Variants in LINGO2 observed in about 807,000 individuals in gnomAD.
The protein encoded by LINGO2 is leucine rich repeat and Ig domain containing 2.
A neutral mutation model predicts 30.6 loss-of-function variants in LINGO2; 14 were observed. That is an observed-to-expected ratio of 0.46 (90% CI 0.30 to 0.72). LINGO2 has a LOEUF of 0.72. Ranked by LOEUF, LINGO2 falls within the 30% of genes least tolerant of loss-of-function variation. LINGO2 has a pLI of 0.07. For missense variants in LINGO2, 729 were observed against 751.7 expected, an observed-to-expected ratio of 0.97 and a Z score of 0.35; for synonymous variants, 317 against 288.5, an observed-to-expected ratio of 1.10 and a Z score of -1.00.
At chr9:29,158,404 A>T in the LINGO2 span, among the ~76,000 whole-genome samples, 4 of 152,050 alleles carry the variant, frequency 2.6e-5, no homozygotes, top group African/African-American at 9.7e-5. Context: ...TCCTTCTATA[A>T]CTTTAGTGAT....
At chr9:29,081,823 T>C in the LINGO2 span, among the ~76,000 whole-genome samples, 7 of 151,834 alleles carry the variant, frequency 4.6e-5, no homozygotes, top group Non-Finnish European at 1.5e-5. Context: ...GAACTCCCAT[T>C]CACAATTGCT....
chr9:29,009,575 G>A, the LINGO2 span, among the ~76,000 whole-genome samples: 2 of 152,138 alleles, frequency 1.3e-5, no homozygotes, highest in African/African-American at 4.8e-5. Context: ...TGGGTAGGAA[G>A]AATCAATATC....
chr9:28,746,972 C>G, the LINGO2 span, among the ~76,000 whole-genome samples: 1 of 152,092 alleles, frequency 6.6e-6, no homozygotes, highest in Non-Finnish European at 1.5e-5. Flanking sequence ...GTGATACGGA[C>G]AGGAGACAGA....
At chr9:28,091,167 C>T (rs1826072477) in intron 4 of LINGO2, among the ~76,000 whole-genome samples, 1 of 152,090 alleles carries the variant, frequency 6.6e-6, no homozygotes, top group Non-Finnish European at 1.5e-5. Flanking sequence ...TCAATGCCAT[C>T]CCCATCAAGC....
At chr9:28,117,755 T>C (rs7041858) in intron 4 of LINGO2, among the ~76,000 whole-genome samples, 145,998 of 147,484 alleles carry the variant, frequency 0.99, 72,286 homozygotes, top group Middle Eastern at 1. Flanking sequence ...GGCAATGCCT[T>C]GCCCTGCTTC....
chr9:28,969,936 G>A, the LINGO2 span, among the ~76,000 whole-genome samples: 2 of 152,134 alleles, frequency 1.3e-5, no homozygotes, highest in African/African-American at 2.4e-5. Flanking sequence ...ATTTAAGTAG[G>A]CAGTTACATC....
At chr9:28,101,075 T>G (rs1826402161) in intron 4 of LINGO2, among the ~76,000 whole-genome samples, 1 of 152,094 alleles carries the variant, frequency 6.6e-6, no homozygotes, top group South Asian at 2.1e-4. Flanking sequence ...AATATGATGT[T>G]GAAATGATTT....
chr9:28,594,348 A>T (rs373089850), intron 1 of LINGO2, among the ~76,000 whole-genome samples: 2 of 152,054 alleles, frequency 1.3e-5, no homozygotes, highest in East Asian at 1.9e-4. Flanking sequence ...ATCATGGTTC[A>T]TGGTTCATTG....
chr9:28,091,105 G>A (rs1373552731), intron 4 of LINGO2, among the ~76,000 whole-genome samples: 2 of 152,136 alleles, frequency 1.3e-5, no homozygotes, highest in Non-Finnish European at 1.5e-5. Context: ...CTCATGGATA[G>A]GAAGAATCAA....
intron 4 of LINGO2, among the ~76,000 whole-genome samples, chr9:28,260,090 G>A (rs1357700829): frequency 6.6e-6 from 1 of 151,468 alleles, no homozygotes; most frequent in Non-Finnish European, 1.5e-5. Context: ...AGATGGAATG[G>A]ACCTGACTTG....
At chr9:27,977,813 C>T (rs971545041) in intron 5 of LINGO2, among the ~76,000 whole-genome samples, 1 of 150,602 alleles carries the variant, frequency 6.6e-6, no homozygotes, top group Non-Finnish European at 1.5e-5. Flanking sequence ...GAAGAGAAAA[C>T]AAGAAACAAT....
the LINGO2 span, among the ~76,000 whole-genome samples, chr9:28,708,864 A>C: frequency 6.6e-6 from 1 of 151,990 alleles, no homozygotes; most frequent in Non-Finnish European, 1.5e-5. Context: ...GCTGAGTTTA[A>C]ATCAAGGTAA....
At chr9:28,786,427 A>G in the LINGO2 span, among the ~76,000 whole-genome samples, 4 of 152,314 alleles carry the variant, frequency 2.6e-5, no homozygotes, top group East Asian at 3.9e-4. Flanking sequence ...TTGGCATCCT[A>G]TAGTTTTCCT....
chr9:28,487,728 C>G (rs753219472), intron 1 of LINGO2, among the ~76,000 whole-genome samples: 3 of 152,116 alleles, frequency 2.0e-5, no homozygotes, highest in Non-Finnish European at 4.4e-5. Flanking sequence ...ATGCTGCTAG[C>G]TACATTCAGA....
chr9:28,525,633 T>TG (rs1820995686), intron 1 of LINGO2, among the ~76,000 whole-genome samples: 1 of 152,122 alleles, frequency 6.6e-6, no homozygotes, highest in Non-Finnish European at 1.5e-5. Flanking sequence ...AGACAGAAAG[T>TG]AGATCAGTGG....
chr9:28,314,706 CG>C (rs1330708623), intron 3 of LINGO2, among the ~76,000 whole-genome samples: 2 of 152,080 alleles, frequency 1.3e-5, no homozygotes, highest in Non-Finnish European at 2.9e-5. Flanking sequence ...TATATGAGGC[CG>C]GGCGCGGTGG....
the LINGO2 span, among the ~76,000 whole-genome samples, chr9:29,117,753 C>T: frequency 9.4e-4 from 143 of 152,276 alleles, no homozygotes; most frequent in African/African-American, 3.2e-3. Context: ...CATCTAATAC[C>T]GTGTTCAGTA....
chr9:29,076,384 C>T, the LINGO2 span, among the ~76,000 whole-genome samples: 10 of 151,630 alleles, frequency 6.6e-5, no homozygotes, highest in East Asian at 1.6e-3. Flanking sequence ...CTGTTATTAA[C>T]ATAATTTTGA....
chr9:28,231,515 T>G (rs116260773), intron 4 of LINGO2, among the ~76,000 whole-genome samples: 2,478 of 152,172 alleles, frequency 0.016, 70 homozygotes, highest in African/African-American at 0.057. Flanking sequence ...TCACATTAAC[T>G]TCTACAATTA....
Sources: allele counts gnomAD v4.1 joint callset (sites outside exome capture counted in the v4.1 genomes callset), GRCh38; gene constraint gnomAD v4.1.1; transcripts MANE v1.5; gene names NCBI Gene and HGNC (gene_info 2026-07-23, HGNC 2026-07-21).